The following C6orf62 variants were observed in gnomAD, a reference collection of about 807,000 sequenced individuals.
The protein encoded by C6orf62 is uncharacterized protein C6orf62.
In C6orf62, 16 loss-of-function variants were observed where a neutral mutation model predicts 26.8. The ratio of observed to expected loss-of-function variants is 0.60; its 90% CI spans 0.40 to 0.91. The LOEUF (loss-of-function observed/expected upper bound fraction) is 0.91. C6orf62 is among the 40% of genes least tolerant of loss of function. C6orf62 has a pLI of 0.00. For synonymous variants in C6orf62, 112 were observed against 91.5 expected, an observed-to-expected ratio of 1.22 and a Z score of -1.28; for missense variants, 192 against 271.4, an observed-to-expected ratio of 0.71 and a Z score of 2.06.
chr6:24,720,157 G>C (rs865907822), upstream of C6orf62: 7 of 1,364,588 alleles, frequency 5.1e-6, no homozygotes, highest in African/African-American at 1.5e-5. Flanking sequence ...GAGGCAGCTA[G>C]GGCGGGGTGG....
chr6:24,719,206 C>A, upstream of C6orf62: 9 of 983,384 alleles, frequency 9.2e-6, no homozygotes, highest in Non-Finnish European at 1.1e-5. Flanking sequence ...AACCAAACAC[C>A]AAAACAGGGT....
chr6:24,718,587 C>A lies in C6orf62; in HGVS notation c.82G>T (p.Asp28Tyr). 6.2e-7 allele frequency: 1 copy of A among 1,613,936 alleles called. No individual in the cohort carries two copies. Among genetic ancestry groups the A allele is most frequent in the South Asian group, 1.1e-5 (1 of 91,054 alleles). The part of the protein sequence containing the change: ...QLRKKKESLA[D>Y]QFDFKMYIAF... ...ATATACATCTTGAAGTCAAACTGGT[C>A]AGCTAGAGATTCTTTTTTCTTTCTA... The change falls in exon 1 of 5, where the codon GAC becomes TAC. Residue 28 changes from aspartate (D) to tyrosine (Y), a missense_variant. Asp to Tyr is a radical substitution (Grantham distance 160). Coordinates refer to ENST00000378119, the MANE Select transcript of C6orf62 (RefSeq NM_030939.5).
At chr6:24,720,074 G>T (rs1315907160), upstream of C6orf62, 2 of 1,201,072 alleles carry the variant, frequency 1.7e-6, no homozygotes, top group East Asian at 5.6e-5. Flanking sequence ...ACGTTGAACA[G>T]ACCATGTTTC....
intron 2 of C6orf62, 77 bp downstream of exon 2, chr6:24,716,071 G>C: frequency 8.1e-7 from 1 of 1,233,148 alleles, no homozygotes; most frequent in Admixed American, 1.9e-5. Context: ...TCCACTTTAA[G>C]GGGGGTTCGG....
In C6orf62 at chr6:24,706,387, C is replaced by T. The variant is rs1424683688; in HGVS notation, c.565-125G>A. 1.0e-5 allele frequency: 14 copies of T among 1,372,974 alleles called. 1 individual carries two copies. The Admixed American group carries it at 1.5e-4, about 14-fold the overall frequency. 85.0% of individuals were successfully genotyped at this position (1,372,974 alleles called of 1,614,324 possible). A position where few individuals can be genotyped will look rare whatever the true frequency, so the allele number is the denominator to read the frequency against. On this transcript the variant is annotated intron_variant, in intron 4 of 4. Transcript: ENST00000378119. Reference sequence around the variant, plus strand: ...CAGAGTAAGGGACAAATTGTAGTCCCTATCCATATTCTAGACAGACAAAAT... The same window carrying T: ...CAGAGTAAGGGACAAATTGTAGTCCTTATCCATATTCTAGACAGACAAAAT...
At chr6:24,717,280 T>C (rs1417241271) in intron 1 of C6orf62, among the ~76,000 whole-genome samples, 1 of 152,224 alleles carries the variant, frequency 6.6e-6, no homozygotes, top group East Asian at 1.9e-4. Flanking sequence ...TCACTACTTA[T>C]TATCTTGGAT....
In C6orf62 at chr6:24,706,819, A is replaced by G. The variant is rs576261197; in HGVS notation, c.565-557T>C. The G allele has an allele frequency of 6.8e-4, 105 of 153,700 alleles. 1 individual carries two copies. The highest frequency in any genetic ancestry group is 2.2e-3 in the African/African-American group (90 of 41,560). The allele number at this position is 153,700 out of a possible 1,614,324, so 9.5% of individuals were successfully genotyped here. ...CCAGCCACTCGGGAAGCTGAGGTGG[A>G]TAACCTGCGCCCAGGAGGTCAAGGC... On this transcript the variant is annotated intron_variant, in intron 4 of 4. Transcript: ENST00000378119.
upstream of C6orf62, chr6:24,719,193 C>T: frequency 3.0e-6 from 3 of 984,844 alleles, no homozygotes; most frequent in East Asian, 1.1e-4. Flanking sequence ...AAACCAAAAC[C>T]AAAACCAAAC....
At chr6:24,713,568 A>G (rs1779169117) in intron 3 of C6orf62, among the ~76,000 whole-genome samples, 1 of 152,198 alleles carries the variant, frequency 6.6e-6, no homozygotes, top group Admixed American at 6.5e-5. Flanking sequence ...TGAGTCCTTA[A>G]TATCATTTTT....
intron 3 of C6orf62, chr6:24,710,014 T>C: frequency 1.2e-5 from 12 of 984,762 alleles, no homozygotes; most frequent in Non-Finnish European, 1.4e-5. Flanking sequence ...ACATAAAATA[T>C]GATACAGCAT....
At chr6:24,709,677 A>G in intron 3 of C6orf62, 1 of 985,448 alleles carries the variant, frequency 1.0e-6, no homozygotes, top group Non-Finnish European at 1.2e-6. Context: ...TGAAGTTATG[A>G]AAGACTGTTA....
Position 24,705,990 on chromosome 6 carries a change from A to T in C6orf62, c.*147T>A. ...GTTCTGAGATAAAAATGATTTAAAA[A>T]AATCCAGGATGAACAAGTTTCAAAA... is the stretch of plus-strand genomic sequence containing the variant. On this transcript the variant is annotated 3_prime_UTR_variant, in exon 5 of 5. Transcript: ENST00000378119. The T allele has an allele frequency of 8.2e-7, 1 of 1,226,172 alleles. No homozygotes were observed. The highest frequency in any genetic ancestry group is 1.9e-5 in the South Asian group (1 of 52,730). The allele number at this position is 1,226,172 out of a possible 1,614,324, so 76.0% of individuals were successfully genotyped here. A position where few individuals can be genotyped will look rare whatever the true frequency, so the allele number is the denominator to read the frequency against.
chr6:24,718,622 C>G lies in C6orf62; in HGVS notation c.47G>C (p.Arg16Pro). Residue 16 changes from arginine to proline, a missense_variant, in exon 1 of 5, where the codon CGT becomes CCT. Coordinates refer to ENST00000378119, the MANE Select transcript of C6orf62 (RefSeq NM_030939.5). ...SRKKQALNRL[R>P]AQLRKKKESL... ...TTCTTTTTTCTTTCTAAGCTGAGCA[C>G]GTAGTCTGTTCAGAGCTTGTTTCTT... 6.2e-7 allele frequency: 1 copy of G among 1,614,020 alleles called. No individual in the cohort carries two copies. Among genetic ancestry groups the G allele is most frequent in the Non-Finnish European group, 8.5e-7 (1 of 1,179,996 alleles).
rs1214482632 is a variant in C6orf62, at chr6:24,718,423, A to T, written c.129+117T>A. On this transcript the variant is annotated intron_variant, in intron 1 of 4. Transcript: ENST00000378119. ...AAGGGTGAAAAAACAGAGCATACAA[A>T]GCAGACTTTTTTTCAACCACTCTTT... The T allele has an allele frequency of 6.7e-6, 7 of 1,050,326 alleles. No homozygotes were observed. In the East Asian group the frequency reaches 1.9e-4, roughly 28 times the overall value. The allele number at this position is 1,050,326 out of a possible 1,614,324, so 65.1% of individuals were successfully genotyped here. A position where few individuals can be genotyped will look rare whatever the true frequency, so the allele number is the denominator to read the frequency against.
At chr6:24,712,381 CA>C (rs902724586) in intron 3 of C6orf62, among the ~76,000 whole-genome samples, 1 of 149,566 alleles carries the variant, frequency 6.7e-6, no homozygotes, top group Non-Finnish European at 1.5e-5. Flanking sequence ...GACCCTGTCT[CA>C]AAAAAAGGAC....
chr6:24,712,436 C>T lies in C6orf62; in HGVS notation c.429+1882G>A, dbSNP rs551708950. ...CTGTAATCCCAGCACTTTGGGAGGC[C>T]GAGGCGGGTGAATCACGAGGTCAAG... On this transcript the variant is annotated intron_variant, in intron 3 of 4. Transcript: ENST00000378119. Among the ~76,000 whole-genome samples the T allele has an allele frequency of 5.5e-4, 84 of 151,834 alleles. 1 individual carries two copies. The highest frequency in any genetic ancestry group is 1.0e-3 in the Non-Finnish European group (68 of 67,920).
chr6:24,720,218 C>A, upstream of C6orf62: 1 of 1,344,796 alleles, frequency 7.4e-7, no homozygotes, highest in Non-Finnish European at 9.5e-7. Context: ...ACTCACGGAC[C>A]GACTCTAGGG....
At chr6:24,720,511 G>C (rs1019425016), upstream of C6orf62, 5 of 466,372 alleles carry the variant, frequency 1.1e-5, no homozygotes, top group Admixed American at 1.8e-4. Flanking sequence ...GAGAGAAAAA[G>C]AAAAAGAGGA....
chr6:24,719,670 C>T, upstream of C6orf62: 1 of 1,467,628 alleles, frequency 6.8e-7, no homozygotes, highest in African/African-American at 1.4e-5. Context: ...CCTACATTCC[C>T]CAAGGGAGAC....
Sources: gnomAD v4.1 joint callset for allele counts (sites outside exome capture counted in the v4.1 genomes callset) on GRCh38, gnomAD v4.1.1 for gene constraint, MANE v1.5 for transcripts, NCBI Gene and HGNC (gene_info 2026-07-23, HGNC 2026-07-21) for gene names.